Variants in CD109 observed in about 807,000 individuals in gnomAD.
CD109 encodes the protein CD109 molecule.
In CD109, 149 loss-of-function variants were observed where a neutral mutation model predicts 165.8. The ratio of observed to expected loss-of-function variants is 0.90; its 90% confidence interval spans 0.79 to 1.03. The LOEUF is 1.03. Among genes scored for constraint, CD109 ranks in the 50% least tolerant of loss-of-function variants. CD109 has a pLI of 0.00. For synonymous variants in CD109, 585 were observed against 592.1 expected (o/e 0.99, Z 0.18); for missense variants, 1,712 against 1,677.8 (o/e 1.02, Z -0.36).
At chr6:73,814,328 A>G (rs991117443) in intron 29 of CD109, among the ~76,000 whole-genome samples, 3 of 152,166 alleles carry the variant, frequency 2.0e-5, no homozygotes, top group Non-Finnish European at 2.9e-5. Context: ...ATGAGATTGG[A>G]CTAGGAAGTT....
intron 22 of CD109, among the ~76,000 whole-genome samples, chr6:73,791,741 G>T (rs1405250037): frequency 6.6e-6 from 1 of 152,034 alleles, no homozygotes; most frequent in African/African-American, 2.4e-5. Context: ...AGCCTGCAGT[G>T]GTAATAATAT....
intron 22 of CD109, among the ~76,000 whole-genome samples, chr6:73,790,334 G>T (rs1774877391): frequency 1.3e-5 from 2 of 151,962 alleles, no homozygotes; most frequent in African/African-American, 4.8e-5. Context: ...CACCTCAGGT[G>T]ATCCACCCAC....
intron 2 of CD109, among the ~76,000 whole-genome samples, 198 bp downstream of exon 2, chr6:73,697,770 C>T (rs1402239290): frequency 1.3e-5 from 2 of 152,168 alleles, no homozygotes; most frequent in African/African-American, 2.4e-5. Context: ...GACCCAGTTT[C>T]CTTCCATTTT....
At chr6:73,823,356 T>C in intron 32 of CD109, 102 bp from the exon 33 acceptor site, 5 of 876,824 alleles carry the variant, frequency 5.7e-6, no homozygotes, top group Non-Finnish European at 8.7e-6. Flanking sequence ...AGGTTAAGAA[T>C]GGAAAACTCA....
chr6:73,735,847 A>G (rs1365118928), intron 4 of CD109, among the ~76,000 whole-genome samples: 1 of 152,190 alleles, frequency 6.6e-6, no homozygotes, highest in African/African-American at 2.4e-5. Flanking sequence ...ATGATTAGAG[A>G]TAAGGCAGAG....
At chr6:73,692,980 C>T (rs540857365), upstream of CD109, among the ~76,000 whole-genome samples, 1 of 152,154 alleles carries the variant, frequency 6.6e-6, no homozygotes, top group South Asian at 2.1e-4. Flanking sequence ...ACTAATATAC[C>T]CTCCTTAATA....
At chr6:73,722,540 C>T (rs934234791) in intron 2 of CD109, among the ~76,000 whole-genome samples, 63 of 152,110 alleles carry the variant, frequency 4.1e-4, no homozygotes, top group African/African-American at 1.5e-3. Flanking sequence ...GGAGAGGGAC[C>T]ACATCTGTCT....
intron 23 of CD109, among the ~76,000 whole-genome samples, chr6:73,802,431 T>A (rs1973482): frequency 0.54 from 80,631 of 149,482 alleles, 22,289 homozygotes; most frequent in African/African-American, 0.65. Flanking sequence ...TAGATTATTT[T>A]GCATTTCCTC....
chr6:73,794,815 TC>T (rs1284794458), intron 23 of CD109, among the ~76,000 whole-genome samples: 1 of 152,154 alleles, frequency 6.6e-6, no homozygotes, highest in African/African-American at 2.4e-5. Flanking sequence ...TTTGTAGAGA[TC>T]CAGCAGTTGG....
intron 6 of CD109, 33 bp from the exon 7 acceptor site, chr6:73,758,910 GA>G (rs775395134): frequency 3.9e-5 from 48 of 1,223,798 alleles, no homozygotes; most frequent in Non-Finnish European, 5.5e-5. Context: ...GTCTCAAAAA[GA>G]AAAAAAGATT....
intron 5 of CD109, among the ~76,000 whole-genome samples, chr6:73,754,427 G>T (rs891171717): frequency 2.0e-5 from 3 of 152,152 alleles, no homozygotes; most frequent in Non-Finnish European, 4.4e-5. Context: ...TGAGTGAGGG[G>T]AAGGAGACGG....
intron 5 of CD109, among the ~76,000 whole-genome samples, chr6:73,737,358 G>C (rs1010653084): frequency 2.0e-5 from 3 of 152,182 alleles, no homozygotes; most frequent in Non-Finnish European, 4.4e-5. Context: ...AACAGTGCTG[G>C]AGGCACAATG....
At chr6:73,784,992 C>T (rs1774634278) in intron 19 of CD109, among the ~76,000 whole-genome samples, 1 of 152,138 alleles carries the variant, frequency 6.6e-6, no homozygotes, top group Non-Finnish European at 1.5e-5. Context: ...GTTCTGGCTC[C>T]TCTACTTGCC....
intron 4 of CD109, among the ~76,000 whole-genome samples, chr6:73,736,094 G>A (rs981806429): frequency 6.6e-6 from 1 of 152,076 alleles, no homozygotes; most frequent in African/African-American, 2.4e-5. Flanking sequence ...GAAATATAGA[G>A]CCTACGTTTT....
chr6:73,732,316 A>G (rs1023175645), intron 4 of CD109, among the ~76,000 whole-genome samples: 2 of 152,258 alleles, frequency 1.3e-5, no homozygotes, highest in Middle Eastern at 3.2e-3. Flanking sequence ...ATAAACATGT[A>G]TACATTTAAC....
intron 2 of CD109, among the ~76,000 whole-genome samples, chr6:73,707,653 C>A (rs1771333006): frequency 6.6e-6 from 1 of 152,058 alleles, no homozygotes; most frequent in Non-Finnish European, 1.5e-5. Context: ...TAGCTACTAA[C>A]CACATGTGGT....
chr6:73,690,511 C>T, the CD109 span, among the ~76,000 whole-genome samples: 3 of 152,168 alleles, frequency 2.0e-5, no homozygotes, highest in Non-Finnish European at 4.4e-5. Flanking sequence ...AAGAGATTCT[C>T]CTGCCTCAGC....
At chr6:73,796,501 AT>A (rs1298901731) in intron 23 of CD109, among the ~76,000 whole-genome samples, 3 of 151,958 alleles carry the variant, frequency 2.0e-5, no homozygotes, top group African/African-American at 7.3e-5. Flanking sequence ...GTACTACTCC[AT>A]TTTATTTCTT....
intron 26 of CD109, among the ~76,000 whole-genome samples, chr6:73,808,891 C>A (rs1428376807): frequency 1.3e-5 from 2 of 150,554 alleles, no homozygotes; most frequent in African/African-American, 4.9e-5. Flanking sequence ...AAGATAATGT[C>A]CAGTGATTCA....
Sources: allele counts gnomAD v4.1 joint callset (sites outside exome capture counted in the v4.1 genomes callset), GRCh38; gene constraint gnomAD v4.1.1; transcripts MANE v1.5; gene names NCBI Gene and HGNC (gene_info 2026-07-23, HGNC 2026-07-21).